The following ATXN2 variants were observed in gnomAD, a reference collection of about 807,000 sequenced individuals.
ATXN2 encodes ataxin-2.
In ATXN2, 37 loss-of-function variants were observed where a neutral mutation model predicts 138.6. That is an observed-to-expected ratio of 0.27 (90% CI 0.21 to 0.35). ATXN2 has a LOEUF of 0.35. Among genes scored for constraint, ATXN2 ranks in the 10% least tolerant of loss-of-function variants. The probability of loss-of-function intolerance (pLI) is 1.00; values close to 1 mark genes in which losing one functional copy is unlikely to be tolerated. For synonymous variants in ATXN2, 549 were observed against 543.7 expected (o/e 1.01, Z -0.13); for missense variants, 1,216 against 1,480.3 (o/e 0.82, Z 2.93).
chr12:111,510,876 G>A (rs565950600), intron 11 of ATXN2: 8 of 196,000 alleles, frequency 4.1e-5, no homozygotes, highest in South Asian at 1.4e-4. Flanking sequence ...AAAGGCACTC[G>A]CCACCACAAC....
chr12:111,579,002 C>T (rs942388875), intron 1 of ATXN2, among the ~76,000 whole-genome samples: 1 of 152,160 alleles, frequency 6.6e-6, no homozygotes, highest in Non-Finnish European at 1.5e-5. Flanking sequence ...CGCACCACTG[C>T]ACTCCACCCT....
Position 111,488,546 on chromosome 12 carries a change from C to G in ATXN2, c.2170G>C (p.Gly724Arg). The change falls in exon 15 of 25, where the codon GGG (glycine) becomes CGG (arginine). Residue 724 changes from glycine (G) to arginine (R), a missense_variant. Coordinates refer to ENST00000673436, the MANE Select transcript of ATXN2 (RefSeq NM_001372574.1). ...HKRGPEVTSQGVQTSSPACKQ... is the reference protein window; with the variant it reads ...HKRGPEVTSQRVQTSSPACKQ... The stretch of plus-strand genomic sequence containing the variant: ...CATGCTGGGCTGGAAGTCTGAACCC[C>G]TTGGGAAGTGACCTCAGGTCCCCTC... 6.2e-7 allele frequency: 1 copy of G among 1,614,194 alleles called. No individual in the cohort carries two copies. Among genetic ancestry groups the G allele is most frequent in the South Asian group, 1.1e-5 (1 of 91,078 alleles).
intron 1 of ATXN2, among the ~76,000 whole-genome samples, chr12:111,557,075 C>T (rs926347251): frequency 6.6e-6 from 1 of 152,094 alleles, no homozygotes; most frequent in African/African-American, 2.4e-5. Flanking sequence ...GCTTATTCCA[C>T]TGAAAAAGAT....
At chr12:111,462,944 A>AATTAT (rs879660906) in intron 21 of ATXN2, among the ~76,000 whole-genome samples, 7 of 150,516 alleles carry the variant, frequency 4.7e-5, no homozygotes, top group Admixed American at 2.0e-4. Context: ...GCACCAAATA[A>AATTAT]ATTATATATA....
Position 111,584,365 on chromosome 12 carries a change from G to A in ATXN2, c.251+14419C>T, listed in dbSNP as rs1200541030. 4.2e-5 allele frequency among the ~76,000 whole-genome samples: 4 copies of A among 94,784 alleles called. No homozygotes were observed. The East Asian group carries it at 1.4e-3, about 33-fold the overall frequency. 62.2% of individuals were successfully genotyped at this position (94,784 alleles called of 152,430 possible). A position where few individuals can be genotyped will look rare whatever the true frequency, so the allele number is the denominator to read the frequency against. ...CCACTACATTCTAGCCTTGGTGACA[G>A]AGACCCTGTCTCAAAAAAAAAAAAA... On this transcript the variant is annotated intron_variant, in intron 1 of 24. Transcript: ENST00000673436.
rs1197429977 is a variant in ATXN2 at position 111,598,324 on chromosome 12, G to A, written c.251+460C>T. 32 of 994,230 alleles carry A rather than the reference G, an allele frequency of 3.2e-5. No homozygotes were observed. Among genetic ancestry groups the A allele is most frequent in the South Asian group, 4.5e-5 (1 of 22,414 alleles). The allele number at this position is 994,230 out of a possible 1,614,324, so 61.6% of individuals were successfully genotyped here. A position where few individuals can be genotyped will look rare whatever the true frequency, so the allele number is the denominator to read the frequency against. On this transcript the variant is annotated intron_variant, in intron 1 of 24. Coordinates refer to ENST00000673436, the MANE Select transcript of ATXN2 (RefSeq NM_001372574.1). This position sits in a 1 kb window ranked among gnomAD's most constrained non-coding sequence, Gnocchi z 4.5. Reference sequence around the variant, plus strand: ...GCCCTAACTTCTCCCCTCCAGAGATGTCCCCCATGGAGGGGGACATGTTCC... The same window carrying A: ...GCCCTAACTTCTCCCCTCCAGAGATATCCCCCATGGAGGGGGACATGTTCC...
Position 111,598,762 on chromosome 12 carries a change from G to A in ATXN2, c.251+22C>T, listed in dbSNP as rs1448430535. ...GGGGACGCCGGGCCCGGAGCGGAGG[G>A]GGCTGGGGTGCCGACACCCACCTGC... On this transcript the variant is annotated intron_variant, in intron 1 of 24. Transcript: ENST00000673436. This position sits in a 1 kb window ranked among gnomAD's most constrained non-coding sequence, Gnocchi z 4.5. 4 of 1,270,736 alleles carry A rather than the reference G, an allele frequency of 3.1e-6. No individual in the cohort carries two copies. Among genetic ancestry groups the A allele is most frequent in the East Asian group, 3.5e-5 (1 of 28,482 alleles). The allele number at this position is 1,270,736 out of a possible 1,614,324, so 78.7% of individuals were successfully genotyped here.
intron 2 of ATXN2, 123 bp downstream of exon 2, chr12:111,555,760 C>T: frequency 1.3e-6 from 1 of 753,672 alleles, no homozygotes; most frequent in African/African-American, 1.8e-5. Flanking sequence ...CATACTTAAA[C>T]AGTCAAGTTA....
Position 111,597,755 on chromosome 12 carries a change from G to A in ATXN2, c.251+1029C>T, listed in dbSNP as rs917151014. 59 of 884,686 alleles carry A rather than the reference G, an allele frequency of 6.7e-5. No homozygotes were observed. The Admixed American group carries it at 1.4e-3, about 21-fold the overall frequency. 54.8% of individuals were successfully genotyped at this position (884,686 alleles called of 1,614,324 possible). On this transcript the variant is annotated intron_variant, in intron 1 of 24. Transcript: ENST00000673436. ...GACGCTAGTAAACACCCGCCTTTCT[G>A]CCTTCAGGAACCCGACCACGTCCCC...
In ATXN2 at chr12:111,516,961, TGTGA is replaced by T. The variant is rs1423965840; in HGVS notation, c.1166-602_1166-599del. ...TTACTCTTCTAGAGTTTGTGACTCC[TGTGA>T]GTATCAAATGATAATATTCATTGCT... On this transcript the variant is annotated intron_variant, in intron 9 of 24. Transcript: ENST00000673436. The surrounding 1 kb of genome is among the most constrained non-coding windows in gnomAD (Gnocchi z 5.0). Among the ~76,000 whole-genome samples, 3 of 152,144 alleles carry T rather than the reference TGTGA, an allele frequency of 2.0e-5. No individual in the cohort carries two copies. Among genetic ancestry groups the T allele is most frequent in the African/African-American group, 7.2e-5 (3 of 41,440 alleles).
chr12:111,474,253 G>C (rs1876634126), intron 18 of ATXN2, among the ~76,000 whole-genome samples: 2 of 151,934 alleles, frequency 1.3e-5, no homozygotes, highest in South Asian at 4.2e-4. Flanking sequence ...CCTATGACTT[G>C]GCTGGGTGTG....
At chr12:111,523,584 G>A (rs1382564732) in intron 6 of ATXN2, among the ~76,000 whole-genome samples, 1 of 151,954 alleles carries the variant, frequency 6.6e-6, no homozygotes, top group East Asian at 1.9e-4. Context: ...AAATTAGCTG[G>A]GTGTGGTGGC....
At chr12:111,475,944 A>G (rs1214670733) in intron 18 of ATXN2, among the ~76,000 whole-genome samples, 2 of 151,866 alleles carry the variant, frequency 1.3e-5, no homozygotes, top group African/African-American at 4.8e-5. Context: ...CTATCCATCT[A>G]TGCGCACGCA....
intron 6 of ATXN2, among the ~76,000 whole-genome samples, chr12:111,521,296 A>G (rs1489261484): frequency 6.6e-6 from 1 of 152,136 alleles, no homozygotes; most frequent in African/African-American, 2.4e-5. Context: ...AGAGACATCT[A>G]CATTTACCTG....
At position 111,516,475 on chromosome 12, in the gene ATXN2, C is replaced by A; in HGVS notation, c.1166-112G>T. On this transcript the variant is annotated intron_variant, in intron 9 of 24. Transcript: ENST00000673436. The surrounding 1 kb of genome is among the most constrained non-coding windows in gnomAD (Gnocchi z 5.0). ...AAAAATGATTTCTTGTACATTTTAA[C>A]CCTTTGAGGACAGTCATTTGATTTG... 9.9e-7 allele frequency: 1 copy of A among 1,006,674 alleles called. No individual in the cohort carries two copies. The highest frequency in any genetic ancestry group is 1.4e-6 in the Non-Finnish European group (1 of 691,516). The allele number at this position is 1,006,674 out of a possible 1,614,324, so 62.4% of individuals were successfully genotyped here. A position where few individuals can be genotyped will look rare whatever the true frequency, so the allele number is the denominator to read the frequency against.
chr12:111,566,239 C>T (rs904379644), intron 1 of ATXN2, among the ~76,000 whole-genome samples: 2 of 151,938 alleles, frequency 1.3e-5, no homozygotes, highest in Non-Finnish European at 2.9e-5. Flanking sequence ...TCAAGACCAG[C>T]CTGACCAACA....
rs767225222 is a variant in ATXN2, at chr12:111,453,868, G to A, written c.3271-23C>T. On this transcript the variant is annotated intron_variant, in intron 23 of 24. Coordinates refer to ENST00000673436, the MANE Select transcript of ATXN2 (RefSeq NM_001372574.1). The surrounding 1 kb of genome is among the most constrained non-coding windows in gnomAD (Gnocchi z 5.4). ...AGCCTGAAACAGAGAGCTCTTTTAC[G>A]CATACAGGCAACATCTCCGGCTTCA... 7 of 1,584,726 alleles carry A rather than the reference G, an allele frequency of 4.4e-6. No individual in the cohort carries two copies. Among genetic ancestry groups the A allele is most frequent in the Admixed American group, 1.8e-5 (1 of 57,070 alleles).
chr12:111,472,648 ACT>A (rs1306947278), intron 18 of ATXN2, among the ~76,000 whole-genome samples: 2 of 151,976 alleles, frequency 1.3e-5, no homozygotes, highest in Non-Finnish European at 2.9e-5. Context: ...GACTCACTGC[ACT>A]CTCTGCCTCC....
chr12:111,496,259 C>T (rs985007925), intron 14 of ATXN2, among the ~76,000 whole-genome samples: 1 of 152,100 alleles, frequency 6.6e-6, no homozygotes, highest in Non-Finnish European at 1.5e-5. Context: ...AGGCCGGGCA[C>T]GGTGGCTCAT....
Sources: gnomAD v4.1 joint callset for allele counts (sites outside exome capture counted in the v4.1 genomes callset) on GRCh38, gnomAD v4.1.1 for gene constraint, Gnocchi (gnomAD v3.1) non-coding constraint, MANE v1.5 for transcripts, NCBI Gene and HGNC (gene_info 2026-07-23, HGNC 2026-07-21) for gene names.